IL5: variants seen among roughly 807,000 people sequenced by gnomAD.
IL5 encodes the protein interleukin 5.
Under a neutral mutation model 16.3 loss-of-function variants are expected in IL5, and 12 were observed. That is an observed-to-expected ratio of 0.74 (90% CI 0.47 to 1.20). The LOEUF (loss-of-function observed/expected upper bound fraction) is 1.20. Ranked by LOEUF, IL5 falls within the 50% of genes most tolerant of loss-of-function variation. The pLI is 0.00. For synonymous variants in IL5, 54 were observed against 56.6 expected, an observed-to-expected ratio of 0.95 and a Z score of 0.21; for missense variants, 159 against 153.9, an observed-to-expected ratio of 1.03 and a Z score of -0.17.
chr5:132,546,743 T>G (rs1161096923), upstream of IL5, among the ~76,000 whole-genome samples: 2 of 152,156 alleles, frequency 1.3e-5, no homozygotes, highest in Non-Finnish European at 2.9e-5. Flanking sequence ...AGAGCTTTAT[T>G]GGCCAGGCAT....
At chr5:132,551,612 A>C (rs1749884410) in intron 1 of IL5, among the ~76,000 whole-genome samples, 1 of 152,126 alleles carries the variant, frequency 6.6e-6, no homozygotes, top group South Asian at 2.1e-4. Flanking sequence ...GTTGGTGCCC[A>C]CCTCGCACCC....
At chr5:132,546,644 G>GT (rs1749799075), upstream of IL5, among the ~76,000 whole-genome samples, 1 of 151,994 alleles carries the variant, frequency 6.6e-6, no homozygotes, top group African/African-American at 2.4e-5. Flanking sequence ...TAAAGTTTTC[G>GT]TGTCATTAAC....
chr5:132,554,653 AAATTG>A (rs1459301284), intron 1 of IL5, among the ~76,000 whole-genome samples: 1 of 152,236 alleles, frequency 6.6e-6, no homozygotes, highest in Non-Finnish European at 1.5e-5. Context: ...AAATAATTAA[AAATTG>A]AATTACTGTA....
chr5:132,552,300 A>T (rs1330719190), intron 1 of IL5, among the ~76,000 whole-genome samples: 2 of 152,052 alleles, frequency 1.3e-5, no homozygotes, highest in African/African-American at 4.8e-5. Flanking sequence ...ACAACAAAAA[A>T]CAAAGAATAA....
Position 132,541,821 on chromosome 5 carries a change from A to G in IL5, c.395T>C (p.Ile132Thr), listed in dbSNP as rs752913949. 21 of 1,610,146 alleles carry G rather than the reference A, an allele frequency of 1.3e-5. No homozygotes were observed. Among genetic ancestry groups the G allele is most frequent in the Non-Finnish European group, 1.3e-5 (15 of 1,177,050 alleles). Residue 132 changes from isoleucine to threonine, a missense_variant, in exon 4 of 4, where the codon ATA becomes ACA. By Grantham distance (89) the Ile-to-Thr change is moderately conservative. Transcript: ENST00000231454. ...CAAACCAGTTTAGTCTCAACTTTCTATTATCCACTCGGTGTTCATTACACC... is the reference window on the plus strand; with the variant it reads ...CAAACCAGTTTAGTCTCAACTTTCTGTTATCCACTCGGTGTTCATTACACC... ...FLGVMNTEWI[I>T]ES
chr5:132,551,295 T>C (rs1389068460), intron 1 of IL5, among the ~76,000 whole-genome samples: 1 of 152,228 alleles, frequency 6.6e-6, no homozygotes. Flanking sequence ...CTATCAGCTA[T>C]TTTCAAGAGA....
chr5:132,556,175 G>A (rs969120638), intron 1 of IL5: 2 of 152,088 alleles, frequency 1.3e-5, no homozygotes, highest in African/African-American at 2.4e-5. Flanking sequence ...CCAAATTTGT[G>A]TTTCATTTAA....
Position 132,541,583 on chromosome 5 carries a change from A to G in IL5, c.*228T>C. 1 of 428,456 alleles carries G rather than the reference A, an allele frequency of 2.3e-6. No homozygotes were observed. Among genetic ancestry groups the G allele is most frequent in the East Asian group, 3.9e-5 (1 of 25,534 alleles). The allele number at this position is 428,456 out of a possible 1,614,324, so 26.5% of individuals were successfully genotyped here. A position where few individuals can be genotyped will look rare whatever the true frequency, so the allele number is the denominator to read the frequency against. ...ATGTTAAGTTAAATAAGAAAAAAGTATATCAATTTTGCCTGGAGGAAAATA... is the reference window on the plus strand; with the variant it reads ...ATGTTAAGTTAAATAAGAAAAAAGTGTATCAATTTTGCCTGGAGGAAAATA... On this transcript the variant is annotated 3_prime_UTR_variant, in exon 4 of 4. Coordinates refer to ENST00000231454, the MANE Select transcript of IL5 (RefSeq NM_000879.3).
In IL5 at chr5:132,542,042, T is replaced by C; in HGVS notation, c.279A>G (p.Leu93=). The part of the protein sequence containing the change: ...TVERLFKNLS[L]IKKYIDGQKK... ...TTTGGCCGTCAATGTATTTCTTTAT[T>C]AAGGACAAGTTTTTGAATAGTCTTT... Residue 93 remains leucine (L), a synonymous_variant, in exon 3 of 4, where the codon TTA becomes TTG. Coordinates refer to ENST00000231454, the MANE Select transcript of IL5 (RefSeq NM_000879.3). 6.2e-7 allele frequency: 1 copy of C among 1,614,034 alleles called. No individual in the cohort carries two copies. The highest frequency in any genetic ancestry group is 8.5e-7 in the Non-Finnish European group (1 of 1,179,922).
At position 132,541,571 on chromosome 5, in the gene IL5, T is replaced by C. The variant is rs1372680354; in HGVS notation, c.*240A>G. 1 of 401,806 alleles carries C rather than the reference T, an allele frequency of 2.5e-6. No homozygotes were observed. The highest frequency in any genetic ancestry group is 4.4e-6 in the Non-Finnish European group (1 of 227,236). 24.9% of individuals were successfully genotyped at this position (401,806 alleles called of 1,614,324 possible). ...ACATTTTACAGAATGTTAAGTTAAA[T>C]AAGAAAAAAGTATATCAATTTTGCC... is the stretch of plus-strand genomic sequence containing the variant. On this transcript the variant is annotated 3_prime_UTR_variant, in exon 4 of 4. Coordinates refer to ENST00000231454, the MANE Select transcript of IL5 (RefSeq NM_000879.3).
Position 132,543,112 on chromosome 5 carries a change from A to G in IL5, c.159T>C (p.Pro53=). The change falls in exon 2 of 4, where the codon CCT becomes CCC. Residue 53 remains proline (P), a synonymous_variant. Transcript: ENST00000231454. ...LLIANETLRI[P]VPVHKNHQLC... ...AACTTACATTTTTATGTACAGGAAC[A>G]GGAATCCTCAGAGTCTGGAGAGGAA... is the stretch of plus-strand genomic sequence containing the variant. The G allele has an allele frequency of 1.2e-6, 2 of 1,606,158 alleles. No homozygotes were observed. Among genetic ancestry groups the G allele is most frequent in the Non-Finnish European group, 1.7e-6 (2 of 1,173,376 alleles).
intron 1 of IL5, among the ~76,000 whole-genome samples, chr5:132,552,722 C>T (rs1278910236): frequency 6.6e-6 from 1 of 152,064 alleles, no homozygotes; most frequent in Non-Finnish European, 1.5e-5. Flanking sequence ...ACACCAAATA[C>T]AATGAAATTA....
chr5:132,556,726 C>G (rs1236540919), exon 1 of IL5: 7 of 1,243,240 alleles, frequency 5.6e-6, no homozygotes, highest in Non-Finnish European at 7.3e-6. Context: ...TCCAGGAGTC[C>G]CAGGATCAAG....
intron 1 of IL5, among the ~76,000 whole-genome samples, chr5:132,551,537 CGTGT>C (rs752944353): frequency 1.3e-5 from 2 of 149,074 alleles, no homozygotes; most frequent in South Asian, 2.1e-4. Context: ...TCCCAGTCTG[CGTGT>C]GTGTGTGTGT....
In IL5 at chr5:132,541,741, G is replaced by T; in HGVS notation, c.*70C>A. On this transcript the variant is annotated 3_prime_UTR_variant, in exon 4 of 4. Coordinates refer to ENST00000231454, the MANE Select transcript of IL5 (RefSeq NM_000879.3). ...AAAATTAAGGCCTGACTCTTTCTTGGCCCTCATTCTCACTGCAGTAAAATG... is the reference window on the plus strand; with the variant it reads ...AAAATTAAGGCCTGACTCTTTCTTGTCCCTCATTCTCACTGCAGTAAAATG... The T allele has an allele frequency of 2.2e-6, 2 of 913,122 alleles. No homozygotes were observed. Among genetic ancestry groups the T allele is most frequent in the Non-Finnish European group, 3.5e-6 (2 of 571,060 alleles). 56.6% of individuals were successfully genotyped at this position (913,122 alleles called of 1,614,324 possible). A position where few individuals can be genotyped will look rare whatever the true frequency, so the allele number is the denominator to read the frequency against.
At position 132,541,447 on chromosome 5, in the gene IL5, C is replaced by G. The variant is rs1749687679; in HGVS notation, c.*364G>C. The G allele has an allele frequency of 5.1e-6, 1 of 197,514 alleles. No individual in the cohort carries two copies. The highest frequency in any genetic ancestry group is 1.0e-5 in the Non-Finnish European group (1 of 97,704). 12.2% of individuals were successfully genotyped at this position (197,514 alleles called of 1,614,324 possible). A position where few individuals can be genotyped will look rare whatever the true frequency, so the allele number is the denominator to read the frequency against. On this transcript the variant is annotated 3_prime_UTR_variant, in exon 4 of 4. Coordinates refer to ENST00000231454, the MANE Select transcript of IL5 (RefSeq NM_000879.3). ...AGACAGAGGCCAGCAGCAAATTGAA[C>G]AGTTGTCTATTTTTGTTTTATTAGA...
chr5:132,550,663 A>G (rs532682562), intron 1 of IL5, among the ~76,000 whole-genome samples: 3 of 152,290 alleles, frequency 2.0e-5, no homozygotes, highest in African/African-American at 7.2e-5. Flanking sequence ...TTTACAATTT[A>G]TAAAGCATTT....
chr5:132,550,118 T>A (rs971665709), intron 1 of IL5, among the ~76,000 whole-genome samples: 2 of 152,212 alleles, frequency 1.3e-5, no homozygotes, highest in Admixed American at 1.3e-4. Context: ...ATGAAACTGA[T>A]GTACCATAGT....
At chr5:132,555,071 C>A (rs1198289371) in intron 1 of IL5, among the ~76,000 whole-genome samples, 3 of 152,150 alleles carry the variant, frequency 2.0e-5, no homozygotes, top group African/African-American at 7.2e-5. Flanking sequence ...TTCTCATGGG[C>A]AGTTCAAAAT....
Sources: allele counts gnomAD v4.1 joint callset (sites outside exome capture counted in the v4.1 genomes callset), GRCh38; gene constraint gnomAD v4.1.1; transcripts MANE v1.5; gene names NCBI Gene and HGNC (gene_info 2026-07-23, HGNC 2026-07-21).